The following PLD2 variants were observed in gnomAD, a reference collection of about 807,000 sequenced individuals.
The protein encoded by PLD2 is phospholipase D2.
A neutral mutation model predicts 119.8 loss-of-function variants in PLD2; 101 were observed. The observed-to-expected ratio is 0.84, with a 90% CI of 0.72 to 0.99. The LOEUF (loss-of-function observed/expected upper bound fraction) is 0.99. PLD2 is among the 50% of genes least tolerant of loss of function. The pLI, the probability that PLD2 is intolerant of heterozygous loss-of-function variation, is 0.00. For synonymous variants in PLD2, 494 were observed against 482.8 expected, an observed-to-expected ratio of 1.02 and a Z score of -0.30; for missense variants, 1,164 against 1,226.8, an observed-to-expected ratio of 0.95 and a Z score of 0.76.
chr17:4,815,588 T>A lies in PLD2; in HGVS notation c.1284+2T>A. On this transcript the variant is annotated splice_donor_variant, in intron 13 of 24. Transcript: ENST00000263088. LOFTEE classifies it high-confidence loss of function. ...ATGCTGCTGCACCCCAACATAAAGG[T>A]GACTCTCGGCCTCAGAGACCCTCCC... 6.2e-7 allele frequency: 1 copy of A among 1,610,300 alleles called. No individual in the cohort carries two copies. Among genetic ancestry groups the A allele is most frequent in the South Asian group, 1.1e-5 (1 of 90,992 alleles).
intron 12 of PLD2, among the ~76,000 whole-genome samples, chr17:4,815,080 G>T (rs1345324215): frequency 2.6e-5 from 4 of 152,142 alleles, no homozygotes; most frequent in Non-Finnish European, 5.9e-5. Flanking sequence ...CAGGAAGAAG[G>T]ATGCATGGAT....
At chr17:4,816,844 C>T (rs963028509) in intron 15 of PLD2, 93 bp from the exon 16 acceptor site, 3 of 1,584,394 alleles carry the variant, frequency 1.9e-6, no homozygotes, top group Non-Finnish European at 2.6e-6. Flanking sequence ...AACGGTGGTA[C>T]AGCCCTCCCT....
At chr17:4,815,399 G>A (rs905212218) in intron 12 of PLD2, 77 bp from the exon 13 acceptor site, 16 of 863,056 alleles carry the variant, frequency 1.9e-5, no homozygotes, top group Middle Eastern at 2.4e-4. Context: ...AGGGACACAC[G>A]TGGAAAAGGT....
In PLD2 at chr17:4,807,787, T is replaced by G; in HGVS notation, c.15T>G (p.Pro5=). MTAT[P]ESLFPTGDEL... Reference sequence around the variant, plus strand: ...ATGTTCCTAGGATGACGGCGACCCCTGAGAGCCTCTTCCCCACTGGGGACG... The same window carrying G: ...ATGTTCCTAGGATGACGGCGACCCCGGAGAGCCTCTTCCCCACTGGGGACG... The change falls in exon 2 of 25, where the codon CCT becomes CCG. Residue 5 remains proline, a synonymous_variant. Coordinates refer to ENST00000263088, the MANE Select transcript of PLD2 (RefSeq NM_002663.5). The surrounding 1 kb of genome is among the most constrained non-coding windows in gnomAD (Gnocchi z 5.4). 6.4e-7 allele frequency: 1 copy of G among 1,573,676 alleles called. No individual in the cohort carries two copies. The highest frequency in any genetic ancestry group is 8.6e-7 in the Non-Finnish European group (1 of 1,161,214).
intron 20 of PLD2, 24 bp from the exon 21 acceptor site, chr17:4,818,750 C>A: frequency 6.2e-7 from 1 of 1,614,028 alleles, no homozygotes; most frequent in South Asian, 1.1e-5. Context: ...GCCTCCACTT[C>A]TCTCCCTCTT....
At chr17:4,813,172 G>C (rs776172815) in intron 10 of PLD2, among the ~76,000 whole-genome samples, 2 of 152,098 alleles carry the variant, frequency 1.3e-5, no homozygotes, top group Non-Finnish European at 2.9e-5. Flanking sequence ...ACTATGCTCA[G>C]CTGATTTTTG....
At position 4,819,098 on chromosome 17, in the gene PLD2, C is replaced by T. The variant is rs1186461089; in HGVS notation, c.2188C>T (p.Arg730Trp). The change falls in exon 22 of 25, where the codon CGG becomes TGG. Residue 730 changes from arginine to tryptophan, a missense_variant. Coordinates refer to ENST00000263088, the MANE Select transcript of PLD2 (RefSeq NM_002663.5). This position sits in a 1 kb window ranked among gnomAD's most constrained non-coding sequence, Gnocchi z 4.2. Reference protein sequence around the residue: ...RLKAAMGTAWRDYISICGLRT... With the variant: ...RLKAAMGTAWWDYISICGLRT... Reference sequence around the variant, plus strand: ...CTGTCACGCAGTGGGGACAGCATGGCGGGACTATATTTCCATCTGCGGGCT... The same window carrying T: ...CTGTCACGCAGTGGGGACAGCATGGTGGGACTATATTTCCATCTGCGGGCT... 9 of 1,614,132 alleles carry T rather than the reference C, an allele frequency of 5.6e-6. No homozygotes were observed. Among genetic ancestry groups the T allele is most frequent in the Middle Eastern group, 1.7e-4 (1 of 6,060 alleles).
chr17:4,819,658 A>C lies in PLD2; in HGVS notation c.2462+76A>C. 1.4e-6 allele frequency: 2 copies of C among 1,383,350 alleles called. No individual in the cohort carries two copies. The highest frequency in any genetic ancestry group is 2.0e-6 in the Non-Finnish European group (2 of 1,008,966). 85.7% of individuals were successfully genotyped at this position (1,383,350 alleles called of 1,614,324 possible). A position where few individuals can be genotyped will look rare whatever the true frequency, so the allele number is the denominator to read the frequency against. On this transcript the variant is annotated intron_variant, in intron 23 of 24. Transcript: ENST00000263088. The surrounding 1 kb of genome is among the most constrained non-coding windows in gnomAD (Gnocchi z 4.2). ...CCTTTTGAGCAGGACAAGAGGTAGC[A>C]CCGCATAGGTACTCCCGGAGCCAGA...
In PLD2 at chr17:4,810,008, T is replaced by C. The variant is rs1263831051; in HGVS notation, c.839T>C (p.Val280Ala). ...AGGAGCACGGAGGCACGGCACGGCG[T>C]GCGGATCGATACCTCCCACAGGTGA... The part of the protein sequence containing the change: ...GKRSTEARHG[V>A]RIDTSHRSLI... The change falls in exon 9 of 25, where the codon GTG becomes GCG. Residue 280 changes from valine to alanine, a missense_variant. Coordinates refer to ENST00000263088, the MANE Select transcript of PLD2 (RefSeq NM_002663.5). 2 of 1,613,020 alleles carry C rather than the reference T, an allele frequency of 1.2e-6. No individual in the cohort carries two copies. Among genetic ancestry groups the C allele is most frequent in the African/African-American group, 1.3e-5 (1 of 74,846 alleles).
rs1907404837 is a variant in PLD2 at position 4,819,399 on chromosome 17, A to G, written c.2309-30A>G. Reference sequence around the variant, plus strand: ...TACTGGGGAGAGTGCCCTGGGCCCAAGCACACAGTGTGCCCCGCATCCACC... The same window carrying G: ...TACTGGGGAGAGTGCCCTGGGCCCAGGCACACAGTGTGCCCCGCATCCACC... On this transcript the variant is annotated intron_variant, in intron 22 of 24. Transcript: ENST00000263088. The surrounding 1 kb of genome is among the most constrained non-coding windows in gnomAD (Gnocchi z 4.2). 6.8e-6 allele frequency: 11 copies of G among 1,611,474 alleles called. 1 individual carries two copies. In the East Asian group the frequency reaches 2.5e-4, roughly 36 times the overall value.
rs1043012823 is a variant in PLD2 at position 4,814,303 on chromosome 17, T to C, written c.1011-115T>C. The C allele has an allele frequency of 2.7e-6, 4 of 1,492,542 alleles. No homozygotes were observed. In the African/African-American group the frequency reaches 4.3e-5, roughly 16 times the overall value. The allele number at this position is 1,492,542 out of a possible 1,614,324, so 92.5% of individuals were successfully genotyped here. On this transcript the variant is annotated intron_variant, in intron 10 of 24. Coordinates refer to ENST00000263088, the MANE Select transcript of PLD2 (RefSeq NM_002663.5). ...TGATACCACTTGTGTTCTCTGATCATTTCTGATCTTTGACCTTGCTGTCAC... is the reference window on the plus strand; with the variant it reads ...TGATACCACTTGTGTTCTCTGATCACTTCTGATCTTTGACCTTGCTGTCAC...
At chr17:4,818,243 G>A (rs368146183) in intron 18 of PLD2, 54 bp from the exon 19 acceptor site, 49 of 1,536,654 alleles carry the variant, frequency 3.2e-5, no homozygotes, top group Non-Finnish European at 3.8e-5. Context: ...GCTGGAGGCC[G>A]AGGACAGGGC....
At position 4,822,421 on chromosome 17, in the gene PLD2, G is replaced by A. The variant is rs552000372; in HGVS notation, c.2578-219G>A. ...GCAGGAGAATCACTTGAACCCGAGA[G>A]GTGGAGATTGTAGTGAGCCGAGATC... On this transcript the variant is annotated intron_variant, in intron 24 of 24. Transcript: ENST00000263088. Among the ~76,000 whole-genome samples the A allele has an allele frequency of 6.6e-5, 10 of 152,130 alleles. No homozygotes were observed. The East Asian group carries it at 1.5e-3, about 24-fold the overall frequency.
rs767464956 is a variant in PLD2 at position 4,818,326 on chromosome 17, G to A, written c.1950G>A (p.Gly650=). ...AGTTCTTCATTAGCTGCTCAGATGG[G>A]CGGACGGTTCTGAACAAGGTGGGCG... ...ENQFFISCSD[G]RTVLNKVGDE... Residue 650 remains glycine (G), a synonymous_variant, in exon 19 of 25, where the codon GGG becomes GGA. Coordinates refer to ENST00000263088, the MANE Select transcript of PLD2 (RefSeq NM_002663.5). 8.7e-6 allele frequency: 14 copies of A among 1,614,048 alleles called. No individual in the cohort carries two copies. The highest frequency in any genetic ancestry group is 5.0e-5 in the Admixed American group (3 of 60,002).
In PLD2 at chr17:4,819,717, G is replaced by C; in HGVS notation, c.2462+135G>C. 1 of 872,026 alleles carries C rather than the reference G, an allele frequency of 1.1e-6. No individual in the cohort carries two copies. Among genetic ancestry groups the C allele is most frequent in the Non-Finnish European group, 1.7e-6 (1 of 586,842 alleles). 54.0% of individuals were successfully genotyped at this position (872,026 alleles called of 1,614,324 possible). A position where few individuals can be genotyped will look rare whatever the true frequency, so the allele number is the denominator to read the frequency against. Reference sequence around the variant, plus strand: ...CAGTACTAGATTCTCAATAGGCAAGGCTGGGCGCGGCAGCTCACGCCTCTA... The same window carrying C: ...CAGTACTAGATTCTCAATAGGCAAGCCTGGGCGCGGCAGCTCACGCCTCTA... On this transcript the variant is annotated intron_variant, in intron 23 of 24. Transcript: ENST00000263088. This position sits in a 1 kb window ranked among gnomAD's most constrained non-coding sequence, Gnocchi z 4.2.
Position 4,808,973 on chromosome 17 carries a change from C to T in PLD2, c.384-127C>T, listed in dbSNP as rs765970244. The T allele has an allele frequency of 6.8e-5, 49 of 715,788 alleles. No individual in the cohort carries two copies. The highest frequency in any genetic ancestry group is 2.5e-4 in the Middle Eastern group (1 of 4,022). The allele number at this position is 715,788 out of a possible 1,614,324, so 44.3% of individuals were successfully genotyped here. ...CCTCCCCAAGTGCTGGGATTCCAGG[C>T]GTGAGCCACCACGCCTGGCCACCTC... is the stretch of plus-strand genomic sequence containing the variant. On this transcript the variant is annotated intron_variant, in intron 4 of 24. Coordinates refer to ENST00000263088, the MANE Select transcript of PLD2 (RefSeq NM_002663.5). This position sits in a 1 kb window ranked among gnomAD's most constrained non-coding sequence, Gnocchi z 4.1.
Position 4,809,919 on chromosome 17 carries a change from C to T in PLD2, c.750C>T (p.Leu250=), listed in dbSNP as rs770085388. 8 of 1,614,004 alleles carry T rather than the reference C, an allele frequency of 5.0e-6. No individual in the cohort carries two copies. The highest frequency in any genetic ancestry group is 4.0e-5 in the African/African-American group (3 of 74,898). Reference sequence around the variant, plus strand: ...ACTCCTTCCTGCTGTACATGTGCCTCGAGACAGGTGCCATCTCATTTGTTC... The same window carrying T: ...ACTCCTTCCTGCTGTACATGTGCCTTGAGACAGGTGCCATCTCATTTGTTC... The part of the protein sequence containing the change: ...VKDSFLLYMC[L]ETGAISFVQL... The change falls in exon 9 of 25, where the codon CTC becomes CTT. Residue 250 remains leucine, a synonymous_variant. Coordinates refer to ENST00000263088, the MANE Select transcript of PLD2 (RefSeq NM_002663.5).
chr17:4,818,934 C>A, intron 21 of PLD2, 111 bp downstream of exon 21: 1 of 1,476,466 alleles, frequency 6.8e-7, no homozygotes, highest in Non-Finnish European at 9.3e-7. Flanking sequence ...GAGCCTCTGA[C>A]GCTACGCAGA....
rs1411292269 is a variant in PLD2 at position 4,815,586 on chromosome 17, G to A, written c.1284G>A (p.Lys428=). ...TGATGCTGCTGCACCCCAACATAAA[G>A]GTGACTCTCGGCCTCAGAGACCCTC... ...RALMLLHPNI[K]VMRHPDQVTL... is the part of the protein sequence containing the mutation. Residue 428 remains lysine (K), a splice_region_variant and synonymous_variant, in exon 13 of 25, where the codon AAG becomes AAA. Coordinates refer to ENST00000263088, the MANE Select transcript of PLD2 (RefSeq NM_002663.5). 1.9e-6 allele frequency: 3 copies of A among 1,610,570 alleles called. No homozygotes were observed. The highest frequency in any genetic ancestry group is 2.5e-6 in the Non-Finnish European group (3 of 1,177,158).
Sources: allele counts gnomAD v4.1 joint callset (sites outside exome capture counted in the v4.1 genomes callset), GRCh38; gene constraint gnomAD v4.1.1; non-coding constraint Gnocchi (gnomAD v3.1); transcripts MANE v1.5; gene names NCBI Gene and HGNC (gene_info 2026-07-23, HGNC 2026-07-21).